Variants in OPCML observed in about 807,000 individuals in gnomAD.
OPCML encodes the protein opioid binding protein/cell adhesion molecule like.
In OPCML, 13 loss-of-function variants were observed where a neutral mutation model predicts 37.8. The observed-to-expected ratio is 0.34, with a 90% CI of 0.22 to 0.55. The LOEUF (loss-of-function observed/expected upper bound fraction) is 0.55, where lower values mean the gene tolerates loss of function less well. OPCML is among the 20% of genes least tolerant of loss of function. The pLI, the probability that OPCML is intolerant of heterozygous loss-of-function variation, is 0.91. For missense variants in OPCML, 341 were observed against 435.6 expected (o/e 0.78, Z 1.93); for synonymous variants, 176 against 168.8 (o/e 1.04, Z -0.33).
chr11:132,684,923 T>C (rs539554272), intron 2 of OPCML, among the ~76,000 whole-genome samples: 151 of 152,336 alleles, frequency 9.9e-4, no homozygotes, highest in Non-Finnish European at 1.0e-3. Flanking sequence ...GGTACAGCTA[T>C]TAGATATTTA....
intron 3 of OPCML, among the ~76,000 whole-genome samples, chr11:132,618,499 T>A (rs1008948279): frequency 1.3e-5 from 2 of 151,976 alleles, no homozygotes; most frequent in Non-Finnish European, 2.9e-5. Context: ...CAAGACTCTG[T>A]CTCAAAAAAC....
chr11:132,571,764 C>T (rs11223131), intron 3 of OPCML, among the ~76,000 whole-genome samples: 79,098 of 151,868 alleles, frequency 0.52, 21,358 homozygotes, highest in Admixed American at 0.64. Context: ...AGATATGGAC[C>T]TCAATTCTTT....
At chr11:133,359,339 T>C (rs1435515805) in intron 1 of OPCML, among the ~76,000 whole-genome samples, 2 of 152,218 alleles carry the variant, frequency 1.3e-5, no homozygotes, top group African/African-American at 4.8e-5. Flanking sequence ...CTTTCCATTC[T>C]TTTTTGTAAT....
intron 1 of OPCML, chr11:133,439,431 A>G (rs1354535768): frequency 2.0e-6 from 2 of 985,008 alleles, no homozygotes; most frequent in African/African-American, 1.7e-5. Flanking sequence ...TATGAGGCCA[A>G]CCTAACTCTT....
In OPCML at chr11:132,943,232, G is replaced by A; in HGVS notation, c.62-222C>T. On this transcript the variant is annotated intron_variant, in intron 1 of 7. Coordinates refer to ENST00000524381, the MANE Select transcript of OPCML (RefSeq NM_001012393.5). The surrounding 1 kb of genome is among the most constrained non-coding windows in gnomAD (Gnocchi z 4.3). ...CAGGAGCAGGGGGAAGGAGAAGAGAGGAGTCCGGGCTCTCCGGAGTCTGAG... is the reference window on the plus strand; with the variant it reads ...CAGGAGCAGGGGGAAGGAGAAGAGAAGAGTCCGGGCTCTCCGGAGTCTGAG... The A allele has an allele frequency of 2.3e-6, 3 of 1,296,988 alleles. No individual in the cohort carries two copies. The highest frequency in any genetic ancestry group is 3.2e-6 in the Non-Finnish European group (3 of 941,740). 80.3% of individuals were successfully genotyped at this position (1,296,988 alleles called of 1,614,324 possible).
At chr11:132,766,384 A>G (rs902830196) in intron 2 of OPCML, among the ~76,000 whole-genome samples, 3 of 152,208 alleles carry the variant, frequency 2.0e-5, no homozygotes, top group Admixed American at 2.0e-4. Flanking sequence ...TACTTCCTTA[A>G]CCAAGTGATC....
At chr11:133,316,529 C>T (rs1592195036) in intron 1 of OPCML, among the ~76,000 whole-genome samples, 2 of 152,176 alleles carry the variant, frequency 1.3e-5, no homozygotes, top group East Asian at 3.9e-4. Flanking sequence ...GCTTAAAACC[C>T]GGATGATGGG....
At chr11:132,767,550 T>C (rs1156886755) in intron 2 of OPCML, among the ~76,000 whole-genome samples, 1 of 152,190 alleles carries the variant, frequency 6.6e-6, no homozygotes, top group East Asian at 1.9e-4. Context: ...CTGACTTCCA[T>C]AGTGTGCTGA....
chr11:133,477,211 G>A (rs1181327593), intron 1 of OPCML, among the ~76,000 whole-genome samples: 4 of 152,196 alleles, frequency 2.6e-5, no homozygotes, highest in Non-Finnish European at 4.4e-5. Context: ...AGCACACGAA[G>A]AGTAGCCATC....
intron 1 of OPCML, among the ~76,000 whole-genome samples, chr11:133,358,298 G>A (rs1331586078): frequency 1.3e-5 from 2 of 152,096 alleles, no homozygotes; most frequent in Non-Finnish European, 2.9e-5. Flanking sequence ...TTCCAGAAGG[G>A]CAGGGATTCT....
At chr11:133,334,725 G>A (rs1943704571) in intron 1 of OPCML, among the ~76,000 whole-genome samples, 2 of 152,184 alleles carry the variant, frequency 1.3e-5, no homozygotes, top group South Asian at 4.1e-4. Context: ...AGCAGACCGA[G>A]CCCTGCTCCC....
chr11:132,596,448 T>C (rs192436148), intron 3 of OPCML, among the ~76,000 whole-genome samples: 9 of 152,320 alleles, frequency 5.9e-5, no homozygotes, highest in Admixed American at 1.3e-4. Context: ...AAACATCTCT[T>C]AATTTTTTTG....
intron 3 of OPCML, among the ~76,000 whole-genome samples, chr11:132,561,524 C>T (rs906642095): frequency 2.6e-5 from 4 of 152,198 alleles, no homozygotes; most frequent in African/African-American, 9.7e-5. Context: ...TTTTCAGGGC[C>T]TGGTCCAGGG....
rs1026925418 is a variant in OPCML, at chr11:132,499,554, C to T, written c.505+29507G>A. Among the ~76,000 whole-genome samples, 4 of 152,194 alleles carry T rather than the reference C, an allele frequency of 2.6e-5. No homozygotes were observed. In the South Asian group the frequency reaches 6.2e-4, roughly 24 times the overall value. On this transcript the variant is annotated intron_variant, in intron 4 of 7. Transcript: ENST00000524381. ...TGGGAAAAGCATGGTGATGGAGCAT[C>T]GCAGAGGAGGCAGAGAAATTCCATG...
At chr11:132,982,816 C>G (rs1387462796) in intron 1 of OPCML, among the ~76,000 whole-genome samples, 1 of 152,214 alleles carries the variant, frequency 6.6e-6, no homozygotes, top group East Asian at 1.9e-4. Flanking sequence ...CACTGGTCAA[C>G]TTTAATAAGC....
At chr11:132,571,757 T>A (rs1432815027) in intron 3 of OPCML, among the ~76,000 whole-genome samples, 1 of 152,206 alleles carries the variant, frequency 6.6e-6, no homozygotes, top group Non-Finnish European at 1.5e-5. Context: ...CTCTTTGAGA[T>A]ATGGACCTCA....
At chr11:133,082,221 C>A (rs1016001806) in intron 1 of OPCML, among the ~76,000 whole-genome samples, 12 of 151,700 alleles carry the variant, frequency 7.9e-5, no homozygotes, top group African/African-American at 2.7e-4. Flanking sequence ...CCGCACGACC[C>A]GGGGTCCTGG....
At chr11:133,194,264 C>A (rs1196423549) in intron 1 of OPCML, among the ~76,000 whole-genome samples, 4 of 138,186 alleles carry the variant, frequency 2.9e-5, no homozygotes, top group South Asian at 4.6e-4. Flanking sequence ...GGCTGGAGTG[C>A]AATAGGTGCA....
chr11:132,762,368 C>G lies in OPCML; in HGVS notation c.147-105049G>C, dbSNP rs958936491. ...TGGGACATCCGCCTCTCTCCTCAGACCTGGCAGGCAGGAACGTTTAAGTCT... is the reference window on the plus strand; with the variant it reads ...TGGGACATCCGCCTCTCTCCTCAGAGCTGGCAGGCAGGAACGTTTAAGTCT... On this transcript the variant is annotated intron_variant, in intron 2 of 7. Coordinates refer to ENST00000524381, the MANE Select transcript of OPCML (RefSeq NM_001012393.5). Among the ~76,000 whole-genome samples, 4 of 152,220 alleles carry G rather than the reference C, an allele frequency of 2.6e-5. 1 individual carries two copies. Among genetic ancestry groups the G allele is most frequent in the Non-Finnish European group, 5.9e-5 (4 of 68,036 alleles).
Sources: gnomAD v4.1 joint callset for allele counts (sites outside exome capture counted in the v4.1 genomes callset) on GRCh38, gnomAD v4.1.1 for gene constraint, Gnocchi (gnomAD v3.1) non-coding constraint, MANE v1.5 for transcripts, NCBI Gene and HGNC (gene_info 2026-07-23, HGNC 2026-07-21) for gene names.